The following DIS3 variants were observed in gnomAD, a reference collection of about 807,000 sequenced individuals.
The protein encoded by DIS3 is exosome complex exonuclease RRP44.
DIS3 carries 103 observed loss-of-function variants against 113.0 expected under a neutral mutation model. That is an observed-to-expected ratio of 0.91 (90% CI 0.78 to 1.07). DIS3 has a LOEUF of 1.07. DIS3 is among the 50% of genes least tolerant of loss of function. DIS3 has a pLI of 0.00. For synonymous variants in DIS3, 402 were observed against 394.3 expected (o/e 1.02, Z -0.23); for missense variants, 1,121 against 1,167.1 (o/e 0.96, Z 0.58).
At chr13:72,777,599 T>G in intron 3 of DIS3, 106 bp from the exon 4 acceptor site, 1 of 888,042 alleles carries the variant, frequency 1.1e-6, no homozygotes. Context: ...TTTCATTCAT[T>G]GAGACACACT....
At chr13:72,781,078 T>G in intron 1 of DIS3, 75 bp from the exon 2 acceptor site, 1 of 1,470,028 alleles carries the variant, frequency 6.8e-7, no homozygotes, top group Admixed American at 2.1e-5. Context: ...TCCTGTTTTA[T>G]GTTGGGCATA....
chr13:72,753,466 A>C lies in DIS3; in HGVS notation c.*6329T>G. ...TTCACTGATTCTTAAGGAAGTTACAAGATATATTTCATTGGAAGGAATTGT... is the reference window on the plus strand; with the variant it reads ...TTCACTGATTCTTAAGGAAGTTACACGATATATTTCATTGGAAGGAATTGT... On this transcript the variant is annotated 3_prime_UTR_variant, in exon 21 of 21. Coordinates refer to ENST00000377767, the MANE Select transcript of DIS3 (RefSeq NM_014953.5). 2.6e-6 allele frequency: 1 copy of C among 381,446 alleles called. No homozygotes were observed. The allele number at this position is 381,446 out of a possible 1,614,324, so 23.6% of individuals were successfully genotyped here.
At position 72,756,863 on chromosome 13, in the gene DIS3, T is replaced by A. The variant is rs990797456; in HGVS notation, c.*2932A>T. 1.6e-4 allele frequency: 25 copies of A among 152,206 alleles called. No homozygotes were observed. The highest frequency in any genetic ancestry group is 5.8e-4 in the African/African-American group (24 of 41,414). 9.4% of individuals were successfully genotyped at this position (152,206 alleles called of 1,614,324 possible). A position where few individuals can be genotyped will look rare whatever the true frequency, so the allele number is the denominator to read the frequency against. ...CTGAGTCCATTAAACCTCTTTCCTT[T>A]ATAATAATTACCCAGTTTGGGGTAT... On this transcript the variant is annotated 3_prime_UTR_variant, in exon 21 of 21. Coordinates refer to ENST00000377767, the MANE Select transcript of DIS3 (RefSeq NM_014953.5).
chr13:72,775,266 T>A lies in DIS3; in HGVS notation c.932A>T (p.His311Leu). 6.2e-7 allele frequency: 1 copy of A among 1,613,672 alleles called. No individual in the cohort carries two copies. Among genetic ancestry groups the A allele is most frequent in the Non-Finnish European group, 8.5e-7 (1 of 1,179,710 alleles). Reference sequence around the variant, plus strand: ...ATCTTCTTCATTTTGACCTTCATCATGTAAAACCACAGAAGATGGTGCTAC... The same window carrying A: ...ATCTTCTTCATTTTGACCTTCATCAAGTAAAACCACAGAAGATGGTGCTAC... ...QWVAPSSVVLHDEGQNEEDVE... is the reference protein window; with the variant it reads ...QWVAPSSVVLLDEGQNEEDVE... Residue 311 changes from histidine to leucine, a missense_variant, in exon 6 of 21, where the codon CAT becomes CTT. His to Leu is a moderately conservative substitution (Grantham distance 99). Coordinates refer to ENST00000377767, the MANE Select transcript of DIS3 (RefSeq NM_014953.5).
At chr13:72,774,551 G>A (rs1034551727) in intron 6 of DIS3, among the ~76,000 whole-genome samples, 3 of 151,924 alleles carry the variant, frequency 2.0e-5, no homozygotes, top group Non-Finnish European at 2.9e-5. Context: ...AGTTCCTATG[G>A]TATTTCACCT....
intron 19 of DIS3, 88 bp downstream of exon 19, chr13:72,761,275 A>G (rs2033616076): frequency 6.8e-7 from 1 of 1,474,192 alleles, no homozygotes; most frequent in South Asian, 1.4e-5. Flanking sequence ...GGTACAAAAA[A>G]TAATTTTATG....
At chr13:72,771,289 A>AATAAAAG in intron 11 of DIS3, 144 bp from the exon 12 acceptor site, 3 of 688,142 alleles carry the variant, frequency 4.4e-6, no homozygotes, top group Non-Finnish European at 7.2e-6. Flanking sequence ...GAAAAGGTCA[A>AATAAAAG]ATAAAAGGTT....
At position 72,763,545 on chromosome 13, in the gene DIS3, AT is replaced by A. The variant is rs771690280; in HGVS notation, c.2032del (p.Ile678PhefsTer59). The A allele has an allele frequency of 5.6e-6, 9 of 1,612,882 alleles. No individual in the cohort carries two copies. The highest frequency in any genetic ancestry group is 1.7e-4 in the Middle Eastern group (1 of 6,054). ...LLANISVAKK[I>X]HEEFSEHALL... ...AGCATGTTCAGAAAATTCCTCATGA[AT>A]TTTTTTTGCAACAGAAATATTGGCA... On this transcript the variant is annotated frameshift_variant, in exon 16 of 21. Transcript: ENST00000377767. LOFTEE classifies it high-confidence loss of function.
At chr13:72,772,358 T>C in intron 9 of DIS3, 83 bp from the exon 10 acceptor site, 2 of 1,071,264 alleles carry the variant, frequency 1.9e-6, no homozygotes, top group East Asian at 2.4e-5. Flanking sequence ...AAATCAGTAA[T>C]ATGTATACAA....
Position 72,755,426 on chromosome 13 carries a change from T to A in DIS3, c.*4369A>T. ...GTTGCTGAATTATAAGTTTATTTTT[T>A]ATCAATAAATATTTTTATACTTACA... On this transcript the variant is annotated 3_prime_UTR_variant, in exon 21 of 21. Transcript: ENST00000377767. 1 of 516,158 alleles carries A rather than the reference T, an allele frequency of 1.9e-6. No individual in the cohort carries two copies. The highest frequency in any genetic ancestry group is 3.5e-5 in the Admixed American group (1 of 28,854). 32.0% of individuals were successfully genotyped at this position (516,158 alleles called of 1,614,324 possible).
rs138484568 is a variant in DIS3, at chr13:72,779,172, G to C, written c.387-792C>G. ...GTCTTGCTCTGTAGCTCAGGCTGGA[G>C]TGCAGTGGCATGATCTCAGCTTACT... On this transcript the variant is annotated intron_variant, in intron 2 of 20. Transcript: ENST00000377767. Among the ~76,000 whole-genome samples the C allele has an allele frequency of 8.6e-3, 1,304 of 150,990 alleles. 64 individuals are homozygous for C. The highest frequency in any genetic ancestry group is 9.5e-3 in the East Asian group (49 of 5,138).
At chr13:72,767,617 G>A (rs1479870408) in intron 14 of DIS3, among the ~76,000 whole-genome samples, 6 of 152,170 alleles carry the variant, frequency 3.9e-5, no homozygotes, top group African/African-American at 1.4e-4. Flanking sequence ...CCAACAGAAC[G>A]TTCTGCAGTG....
intron 15 of DIS3, 46 bp downstream of exon 15, chr13:72,765,926 T>C: frequency 7.2e-7 from 1 of 1,392,452 alleles, no homozygotes; most frequent in Non-Finnish European, 9.9e-7. Context: ...ACATGACAAT[T>C]AAAATAAAAA....
chr13:72,781,886 G>C lies in DIS3; in HGVS notation c.-54C>G. On this transcript the variant is annotated 5_prime_UTR_variant, in exon 1 of 21. Coordinates refer to ENST00000377767, the MANE Select transcript of DIS3 (RefSeq NM_014953.5). ...CAGCAGCGCTCTTCCAGCAAAAGGCGTCAATCTAGAATACGCCTAACCCCG... is the reference window on the plus strand; with the variant it reads ...CAGCAGCGCTCTTCCAGCAAAAGGCCTCAATCTAGAATACGCCTAACCCCG... 11 of 1,457,460 alleles carry C rather than the reference G, an allele frequency of 7.5e-6. No individual in the cohort carries two copies. Among genetic ancestry groups the C allele is most frequent in the Non-Finnish European group, 9.2e-6 (10 of 1,089,858 alleles). The allele number at this position is 1,457,460 out of a possible 1,614,324, so 90.3% of individuals were successfully genotyped here.
At position 72,758,115 on chromosome 13, in the gene DIS3, T is replaced by TA. The variant is rs2033536181; in HGVS notation, c.*1679_*1680insT. On this transcript the variant is annotated 3_prime_UTR_variant, in exon 21 of 21. Coordinates refer to ENST00000377767, the MANE Select transcript of DIS3 (RefSeq NM_014953.5). ...TATCTTATATATATCTATATATATA[T>TA]TTTTACTGTACCTTTTCTATGTTTA... 1 of 180,742 alleles carries TA rather than the reference T, an allele frequency of 5.5e-6. No homozygotes were observed. The highest frequency in any genetic ancestry group is 1.2e-5 in the Non-Finnish European group (1 of 84,702). The allele number at this position is 180,742 out of a possible 1,614,324, so 11.2% of individuals were successfully genotyped here. A position where few individuals can be genotyped will look rare whatever the true frequency, so the allele number is the denominator to read the frequency against.
chr13:72,774,034 A>G lies in DIS3; in HGVS notation c.1013T>C (p.Met338Thr), dbSNP rs747158809. 1 of 1,608,490 alleles carries G rather than the reference A, an allele frequency of 6.2e-7. No homozygotes were observed. Among genetic ancestry groups the G allele is most frequent in the Non-Finnish European group, 8.5e-7 (1 of 1,178,662 alleles). ...TACAACTCTACCTGTAGGCTTCAACATTTTCTCGCTTACAGCAGTCTTAAG... is the reference window on the plus strand; with the variant it reads ...TACAACTCTACCTGTAGGCTTCAACGTTTTCTCGCTTACAGCAGTCTTAAG... The part of the protein sequence containing the change: ...RMLKTAVSEK[M>T]LKPTGRVVGI... The change falls in exon 7 of 21, where the codon ATG becomes ACG. Residue 338 changes from methionine to threonine, a missense_variant. By Grantham distance (81) the Met-to-Thr change is moderately conservative (BLOSUM62 -1). Around this residue, in one of 3 missense-constraint regions of DIS3, gnomAD observed 861 missense variants for 915.5 expected, o/e 0.94. Transcript: ENST00000377767.
At chr13:72,769,821 CAAG>C (rs530822564) in intron 13 of DIS3, among the ~76,000 whole-genome samples, 69 of 152,168 alleles carry the variant, frequency 4.5e-4, no homozygotes, top group African/African-American at 1.6e-3. Context: ...AGCAGAACAG[CAAG>C]AAGGATGCCA....
chr13:72,774,667 G>A (rs781762013), intron 6 of DIS3, among the ~76,000 whole-genome samples: 6 of 152,034 alleles, frequency 3.9e-5, no homozygotes, highest in Non-Finnish European at 8.8e-5. Context: ...ACTGTTACAT[G>A]CATTCCAACT....
rs1380982944 is a variant in DIS3 at position 72,781,356 on chromosome 13, T to C, written c.228+249A>G. 3 of 1,551,198 alleles carry C rather than the reference T, an allele frequency of 1.9e-6. No homozygotes were observed. In the South Asian group the frequency reaches 3.6e-5, roughly 18 times the overall value. The stretch of plus-strand genomic sequence containing the variant: ...GTCCCCGGCCTCCAGGCACTTACAA[T>C]CTAAGGCAGAAGAGACACCAGGAGT... On this transcript the variant is annotated intron_variant, in intron 1 of 20. Coordinates refer to ENST00000377767, the MANE Select transcript of DIS3 (RefSeq NM_014953.5).
Sources: allele counts gnomAD v4.1 joint callset (sites outside exome capture counted in the v4.1 genomes callset), GRCh38; gene constraint gnomAD v4.1.1; regional missense constraint gnomAD v4.1.1; transcripts MANE v1.5; gene names NCBI Gene and HGNC (gene_info 2026-07-23, HGNC 2026-07-21).